FHIT: variants seen among roughly 807,000 people sequenced by gnomAD.
The protein encoded by FHIT is bis(5'-adenosyl)-triphosphatase.
A neutral mutation model predicts 17.9 loss-of-function variants in FHIT; 19 were observed. The ratio of observed to expected loss-of-function variants is 1.06; its 90% CI spans 0.74 to 1.56. The LOEUF (loss-of-function observed/expected upper bound fraction) is 1.56. Ranked by LOEUF, FHIT falls within the 40% of genes most tolerant of loss-of-function variation. FHIT has a pLI of 0.00. For synonymous variants in FHIT, 81 were observed against 69.7 expected (o/e 1.16, Z -0.81); for missense variants, 248 against 189.2 (o/e 1.31, Z -1.82).
intron 2 of FHIT, among the ~76,000 whole-genome samples, chr3:61,143,390 ATGTGTTT>A (rs1198967767): frequency 6.6e-6 from 1 of 152,124 alleles, no homozygotes; most frequent in Non-Finnish European, 1.5e-5. Flanking sequence ...CATGCATATT[ATGTGTTT>A]TGTGTTACGT....
At chr3:59,865,596 T>C (rs2106871472) in intron 8 of FHIT, among the ~76,000 whole-genome samples, 1 of 152,310 alleles carries the variant, frequency 6.6e-6, no homozygotes, top group South Asian at 2.1e-4. Flanking sequence ...CTGCAGGACA[T>C]AAAAGGGAAC....
At chr3:60,437,913 TCAACAA>T (rs1217590607) in intron 5 of FHIT, among the ~76,000 whole-genome samples, 1 of 152,092 alleles carries the variant, frequency 6.6e-6, no homozygotes, top group Non-Finnish European at 1.5e-5. Context: ...TCTACACACT[TCAACAA>T]CAGCTACCTA....
intron 2 of FHIT, among the ~76,000 whole-genome samples, chr3:61,103,503 T>C (rs1489515625): frequency 1.3e-5 from 2 of 152,186 alleles, no homozygotes; most frequent in African/African-American, 4.8e-5. Context: ...ATACATGCAA[T>C]GTGGTGCTGA....
At chr3:61,112,564 T>C (rs571209370) in intron 2 of FHIT, among the ~76,000 whole-genome samples, 1 of 152,190 alleles carries the variant, frequency 6.6e-6, no homozygotes, top group South Asian at 2.1e-4. Context: ...CATGTCCACT[T>C]GAGTCATTAT....
intron 5 of FHIT, among the ~76,000 whole-genome samples, chr3:60,146,388 T>G (rs1455659199): frequency 5.3e-5 from 8 of 152,018 alleles, no homozygotes; most frequent in African/African-American, 4.8e-5. Flanking sequence ...ATCCCCAGCA[T>G]GATACTAGAT....
chr3:59,979,719 G>A (rs1280240690), intron 7 of FHIT, among the ~76,000 whole-genome samples: 3 of 152,102 alleles, frequency 2.0e-5, no homozygotes, highest in Admixed American at 1.3e-4. Flanking sequence ...GGATAAATAA[G>A]AAGGGGTTTG....
At position 60,542,852 on chromosome 3, in the gene FHIT, C is replaced by T. The variant is rs1242752854; in HGVS notation, c.-17-5873G>A. Among the ~76,000 whole-genome samples the T allele has an allele frequency of 4.6e-5, 7 of 152,190 alleles. No individual in the cohort carries two copies. The East Asian group carries it at 1.3e-3, about 29-fold the overall frequency. On this transcript the variant is annotated intron_variant, in intron 4 of 9. Transcript: ENST00000492590. ...CCATAAGTTTGCAAATATATATATT[C>T]CTATATTTTCTTCTATCGACTTTAT...
intron 3 of FHIT, among the ~76,000 whole-genome samples, chr3:60,835,245 A>G (rs1181643270): frequency 4.6e-5 from 1 of 21,686 alleles, no homozygotes; most frequent in Non-Finnish European, 1.0e-4. Flanking sequence ...GAATAATGTC[A>G]TCTATATATG....
intron 8 of FHIT, among the ~76,000 whole-genome samples, chr3:59,795,632 G>A (rs906490278): frequency 6.6e-6 from 1 of 152,018 alleles, no homozygotes; most frequent in Non-Finnish European, 1.5e-5. Flanking sequence ...ACTGAGGTGA[G>A]AGGATCATCA....
At chr3:60,726,849 A>C (rs2041926104) in intron 4 of FHIT, among the ~76,000 whole-genome samples, 1 of 152,044 alleles carries the variant, frequency 6.6e-6, no homozygotes, top group African/African-American at 2.4e-5. Context: ...CCTGTAGTCT[A>C]TGTTTGTCCT....
At chr3:60,264,468 TAAGAA>T (rs1166332949) in intron 5 of FHIT, among the ~76,000 whole-genome samples, 8 of 145,036 alleles carry the variant, frequency 5.5e-5, no homozygotes, top group African/African-American at 2.0e-4. Context: ...ATACTCAACT[TAAGAA>T]AAGACTTGAA....
At chr3:60,528,067 G>A (rs1185547920) in intron 5 of FHIT, among the ~76,000 whole-genome samples, 1 of 152,144 alleles carries the variant, frequency 6.6e-6, no homozygotes, top group Non-Finnish European at 1.5e-5. Flanking sequence ...TTGAACTCCT[G>A]GGCTAAAGCA....
intron 5 of FHIT, among the ~76,000 whole-genome samples, chr3:60,019,374 A>G (rs569234755): frequency 2.0e-5 from 3 of 150,312 alleles, no homozygotes; most frequent in Non-Finnish European, 4.4e-5. Flanking sequence ...TGGCTGTCCT[A>G]GTGAGTAAAT....
At chr3:60,275,263 T>C (rs1480741341) in intron 5 of FHIT, among the ~76,000 whole-genome samples, 1 of 151,972 alleles carries the variant, frequency 6.6e-6, no homozygotes, top group African/African-American at 2.4e-5. Flanking sequence ...TCAACTAACT[T>C]ACTTAGCAAG....
intron 5 of FHIT, among the ~76,000 whole-genome samples, chr3:60,336,311 CA>C (rs1432035670): frequency 6.6e-6 from 1 of 152,156 alleles, no homozygotes; most frequent in Admixed American, 6.5e-5. Flanking sequence ...AAACCCTGAC[CA>C]AAAGGAAGTC....
intron 5 of FHIT, among the ~76,000 whole-genome samples, chr3:60,201,634 C>T: frequency 6.6e-6 from 1 of 152,106 alleles, no homozygotes; most frequent in South Asian, 2.1e-4. Context: ...TAATTAACCA[C>T]CTATTGCAGT....
intron 8 of FHIT, among the ~76,000 whole-genome samples, chr3:59,823,705 A>G (rs1038779385): frequency 3.3e-5 from 5 of 152,226 alleles, no homozygotes; most frequent in African/African-American, 9.6e-5. Context: ...CCTCAATGTC[A>G]TAACAGCCAT....
intron 5 of FHIT, among the ~76,000 whole-genome samples, chr3:60,133,277 C>T (rs1014706448): frequency 2.0e-5 from 3 of 152,160 alleles, no homozygotes; most frequent in Non-Finnish European, 4.4e-5. Flanking sequence ...TTCTGCCTTT[C>T]TCTACCCCCA....
chr3:60,033,330 T>C (rs1701080330), intron 5 of FHIT, among the ~76,000 whole-genome samples: 1 of 151,992 alleles, frequency 6.6e-6, no homozygotes, highest in South Asian at 2.1e-4. Context: ...ACCCCGTCTC[T>C]ACTAAAAATA....
Sources: allele counts gnomAD v4.1 joint callset (sites outside exome capture counted in the v4.1 genomes callset), GRCh38; gene constraint gnomAD v4.1.1; transcripts MANE v1.5; gene names NCBI Gene and HGNC (gene_info 2026-07-23, HGNC 2026-07-21).